OR5B12: variants seen among roughly 807,000 people sequenced by gnomAD.
OR5B12 encodes the protein olfactory receptor family 5 subfamily B member 12.
For missense variants in OR5B12, 418 were observed against 377.0 expected (o/e 1.11, Z -0.90); for synonymous variants, 154 against 138.0 (o/e 1.12, Z -0.81).
intron 1 of OR5B12, among the ~76,000 whole-genome samples, chr11:58,440,951 A>G (rs1161047020): frequency 1.3e-4 from 20 of 152,158 alleles, no homozygotes; most frequent in Admixed American, 1.3e-3. Context: ...CAAGAGATAC[A>G]TTTCCTGACC....
In OR5B12 at chr11:58,442,087, A is replaced by G. The variant is rs557663480; in HGVS notation, c.-61T>C. ...TACAAAATTCAGGTCCAGCACTTTC[A>G]TATATAAGTGAATGTCACATCAGAA... On this transcript the variant is annotated 5_prime_UTR_variant, in exon 1 of 2. It removes an upstream start codon present in the reference 5' UTR. Coordinates refer to ENST00000641921, the MANE Select transcript of OR5B12 (RefSeq NM_001004733.3). The G allele has an allele frequency of 6.6e-6, 1 of 152,354 alleles. No homozygotes were observed. The highest frequency in any genetic ancestry group is 2.1e-4 in the South Asian group (1 of 4,832). 9.4% of individuals were successfully genotyped at this position (152,354 alleles called of 1,614,324 possible).
In OR5B12 at chr11:58,440,006, A is replaced by G. The variant is rs1387192560; in HGVS notation, c.146T>C (p.Leu49Pro). The G allele has an allele frequency of 1.9e-6, 3 of 1,614,030 alleles. No individual in the cohort carries two copies. Among genetic ancestry groups the G allele is most frequent in the African/African-American group, 2.7e-5 (2 of 74,928 alleles). The change falls in exon 2 of 2, where the codon CTG becomes CCG. Residue 49 changes from leucine to proline, a missense_variant. By Grantham distance (98) the Leu-to-Pro change is moderately conservative. Transcript: ENST00000641921. ...GNLGMIELIL[L>P]DSCLHTPMYF... ...CATGGGGGTGTGGAGACAGGAGTCC[A>G]GTAGAATCAATTCAATCATCCCCAG...
At position 58,440,152 on chromosome 11, in the gene OR5B12, TGGGA is replaced by T; in HGVS notation, c.-5_-2del. ...CAGTCACCTCTGTGTTGTTCTCCAT[TGGGA>T]ATTATGTAGCTGCCCTGTAGAAATG... On this transcript the variant is annotated 5_prime_UTR_variant, in exon 2 of 2. Coordinates refer to ENST00000641921, the MANE Select transcript of OR5B12 (RefSeq NM_001004733.3). 1 of 1,582,176 alleles carries T rather than the reference TGGGA, an allele frequency of 6.3e-7. No individual in the cohort carries two copies. Among genetic ancestry groups the T allele is most frequent in the Non-Finnish European group, 8.6e-7 (1 of 1,161,112 alleles).
At chr11:58,441,200 A>G (rs1477999544) in intron 1 of OR5B12, among the ~76,000 whole-genome samples, 1 of 152,144 alleles carries the variant, frequency 6.6e-6, no homozygotes, top group Non-Finnish European at 1.5e-5. Flanking sequence ...TCCAATAGTT[A>G]GTTGTGCCTT....
rs2119970822 is a variant in OR5B12, at chr11:58,439,476, T to A, written c.676A>T (p.Met226Leu). 1 of 1,614,070 alleles carries A rather than the reference T, an allele frequency of 6.2e-7. No homozygotes were observed. The change falls in exon 2 of 2, where the codon ATG becomes TTG. Residue 226 changes from methionine (M) to leucine (L), a missense_variant. Physicochemically the swap from Met to Leu is conservative, Grantham distance 15. Transcript: ENST00000641921. ...YLFIFITIMK[M>L]RSPEGRQKAF... The stretch of plus-strand genomic sequence containing the variant: ...TTCTGGCGTCCTTCAGGTGAGCGCA[T>A]CTTCATGATGGTGATAAATATAAAT...
chr11:58,440,696 G>A (rs145227655), intron 1 of OR5B12, among the ~76,000 whole-genome samples: 2,153 of 152,270 alleles, frequency 0.014, 26 homozygotes, highest in Non-Finnish European at 0.02. Context: ...TTGGCTTCAT[G>A]CAAATAACCT....
rs368593714 is a variant in OR5B12, at chr11:58,439,763, T to C, written c.389A>G (p.Tyr130Cys). The C allele has an allele frequency of 1.4e-5, 23 of 1,613,168 alleles. No homozygotes were observed. The highest frequency in any genetic ancestry group is 1.8e-5 in the Non-Finnish European group (21 of 1,179,174). Residue 130 changes from tyrosine (Y) to cysteine (C), a missense_variant, in exon 2 of 2, where the codon TAC becomes TGC. Physicochemically the swap from Tyr to Cys is radical, Grantham distance 194. Transcript: ENST00000641921. ...TACATTTGTTGTCATGGTGGTGGTG[T>C]AATGCAGGGGTTTACACAATGCTGC... The part of the protein sequence containing the change: ...RYAALCKPLH[Y>C]TTTMTTNVCA...
chr11:58,439,884 T>C lies in OR5B12; in HGVS notation c.268A>G (p.Ile90Val), dbSNP rs1313720266. 1 of 1,614,158 alleles carries C rather than the reference T, an allele frequency of 6.2e-7. No homozygotes were observed. Among genetic ancestry groups the C allele is most frequent in the Non-Finnish European group, 8.5e-7 (1 of 1,180,032 alleles). The change falls in exon 2 of 2, where the codon ATA (isoleucine) becomes GTA (valine). Residue 90 changes from isoleucine to valine, a missense_variant. Coordinates refer to ENST00000641921, the MANE Select transcript of OR5B12 (RefSeq NM_001004733.3). Reference sequence around the variant, plus strand: ...TGTGTGGCACAAGCATTATATAATATGAATTTGTCTCCTGTGAGAAACCCC... The same window carrying C: ...TGTGTGGCACAAGCATTATATAATACGAATTTGTCTCCTGTGAGAAACCCC... ...MVGFLTGDKF[I>V]LYNACATQFF...
intron 1 of OR5B12, among the ~76,000 whole-genome samples, chr11:58,440,409 G>A (rs889666408): frequency 2.0e-5 from 3 of 152,090 alleles, no homozygotes; most frequent in East Asian, 1.9e-4. Context: ...ATAGATTACC[G>A]AACTAAGGTA....
In OR5B12 at chr11:58,439,834, G is replaced by C; in HGVS notation, c.318C>G (p.Ile106Met). Residue 106 changes from isoleucine to methionine, a missense_variant, in exon 2 of 2, where the codon ATC (isoleucine) becomes ATG (methionine). Physicochemically the swap from Ile to Met is conservative, Grantham distance 10. Transcript: ENST00000641921. ...ATQFFFFVAF[I>M]TAESFLLASM... The stretch of plus-strand genomic sequence containing the variant: ...ATGCCAGGAGGAAACTTTCTGCAGT[G>C]ATAAAGGCTACAAAGAAGAAGAATT... 1 of 1,614,162 alleles carries C rather than the reference G, an allele frequency of 6.2e-7. No individual in the cohort carries two copies. The highest frequency in any genetic ancestry group is 1.1e-5 in the South Asian group (1 of 91,082).
chr11:58,440,912 T>G (rs12285111), intron 1 of OR5B12, among the ~76,000 whole-genome samples: 32,942 of 152,120 alleles, frequency 0.22, 3,549 homozygotes, highest in Middle Eastern at 0.31. Flanking sequence ...GCACCATGTT[T>G]CATGCTAATT....
Position 58,439,999 on chromosome 11 carries a change from G to A in OR5B12, c.153C>T (p.Ser51=). The A allele has an allele frequency of 1.2e-6, 2 of 1,614,156 alleles. No homozygotes were observed. The highest frequency in any genetic ancestry group is 2.7e-5 in the African/African-American group (2 of 75,048). Residue 51 remains serine, a synonymous_variant, in exon 2 of 2, where the codon TCC becomes TCT. Transcript: ENST00000641921. The part of the protein sequence containing the change: ...LGMIELILLD[S]CLHTPMYFFL... The stretch of plus-strand genomic sequence containing the variant: ...AGAAGTACATGGGGGTGTGGAGACA[G>A]GAGTCCAGTAGAATCAATTCAATCA...
intron 1 of OR5B12, 49 bp from the exon 2 acceptor site, chr11:58,440,219 AC>A (rs1423063780): frequency 3.5e-6 from 4 of 1,134,538 alleles, no homozygotes; most frequent in Non-Finnish European, 5.1e-6. Context: ...AGGGAGGACT[AC>A]TGAGATCAAT....
At chr11:58,440,377 T>C (rs941191661) in intron 1 of OR5B12, among the ~76,000 whole-genome samples, 1 of 152,156 alleles carries the variant, frequency 6.6e-6, no homozygotes, top group Non-Finnish European at 1.5e-5. Flanking sequence ...TTGGAGATAA[T>C]TCATCCCGAA....
rs1446745334 is a variant in OR5B12, at chr11:58,439,578, T to C, written c.574A>G (p.Ile192Val). ...LLTLSCSDNY[I>V]SEMVIFFVVG... ...ACAAAAAAAATAACCATCTCACTGA[T>C]GTAGTTGTCTGAACATGAGAGAGTC... Residue 192 changes from isoleucine to valine, a missense_variant, in exon 2 of 2, where the codon ATC becomes GTC. Ile to Val is a conservative substitution (Grantham distance 29). Coordinates refer to ENST00000641921, the MANE Select transcript of OR5B12 (RefSeq NM_001004733.3). 2 of 1,613,916 alleles carry C rather than the reference T, an allele frequency of 1.2e-6. No homozygotes were observed. Among genetic ancestry groups the C allele is most frequent in the East Asian group, 4.5e-5 (2 of 44,870 alleles).
In OR5B12 at chr11:58,439,893, C is replaced by G. The variant is rs1040998797; in HGVS notation, c.259G>C (p.Asp87His). The G allele has an allele frequency of 6.2e-7, 1 of 1,614,154 alleles. No homozygotes were observed. The highest frequency in any genetic ancestry group is 1.3e-5 in the African/African-American group (1 of 75,040). ...PKVMVGFLTG[D>H]KFILYNACAT... ...CAAGCATTATATAATATGAATTTGT[C>G]TCCTGTGAGAAACCCCACCATCACC... The change falls in exon 2 of 2, where the codon GAC becomes CAC. Residue 87 changes from aspartate to histidine, a missense_variant. Transcript: ENST00000641921.
chr11:58,440,346 A>G (rs1855488086), intron 1 of OR5B12, among the ~76,000 whole-genome samples, 176 bp from the exon 2 acceptor site: 1 of 152,236 alleles, frequency 6.6e-6, no homozygotes. Context: ...TAATTCATAG[A>G]GCATTCTTAA....
Position 58,439,219 on chromosome 11 carries a change from TCCTATAGAGGCCTTTGCCTTC to T in OR5B12, c.912_932del (p.Lys305_Gly311del), listed in dbSNP as rs1306068748. 1 of 1,539,938 alleles carries T rather than the reference TCCTATAGAGGCCTTTGCCTTC, an allele frequency of 6.5e-7. No homozygotes were observed. The highest frequency in any genetic ancestry group is 8.8e-7 in the Non-Finnish European group (1 of 1,131,560). On this transcript the variant is annotated inframe_deletion, in exon 2 of 2. Coordinates refer to ENST00000641921, the MANE Select transcript of OR5B12 (RefSeq NM_001004733.3). Reference sequence around the variant, plus strand: ...GAATTCTTTATAATTAAAATATGAATCCTATAGAGGCCTTTGCCTTCCCTACAGTCTTTTTAAAGGCACTCT... The same window carrying T: ...GAATTCTTTATAATTAAAATATGAATCCTACAGTCTTTTTAAAGGCACTCT...
chr11:58,440,146 C>G lies in OR5B12; in HGVS notation c.6G>C (p.Glu2Asp). The part of the protein sequence containing the change: M[E>D]NNTEVTEFIL... ...TGAATTCAGTCACCTCTGTGTTGTT[C>G]TCCATTGGGAATTATGTAGCTGCCC... Residue 2 changes from glutamate (E) to aspartate (D), a missense_variant, in exon 2 of 2, where the codon GAG (glutamate) becomes GAC (aspartate). Coordinates refer to ENST00000641921, the MANE Select transcript of OR5B12 (RefSeq NM_001004733.3). 1 of 1,591,736 alleles carries G rather than the reference C, an allele frequency of 6.3e-7. No homozygotes were observed. The highest frequency in any genetic ancestry group is 8.6e-7 in the Non-Finnish European group (1 of 1,168,474).
Sources: allele counts gnomAD v4.1 joint callset (sites outside exome capture counted in the v4.1 genomes callset), GRCh38; gene constraint gnomAD v4.1.1; transcripts MANE v1.5; gene names NCBI Gene and HGNC (gene_info 2026-07-23, HGNC 2026-07-21).